Variants in MAG observed in about 807,000 individuals in gnomAD.
MAG encodes myelin associated glycoprotein.
In MAG, 30 loss-of-function variants were observed where a neutral mutation model predicts 60.7. The ratio of observed to expected loss-of-function variants is 0.49; its 90% CI spans 0.37 to 0.67. MAG has a LOEUF of 0.67. MAG is among the 30% of genes least tolerant of loss of function. The pLI is 0.00. For synonymous variants in MAG, 384 were observed against 376.8 expected, an observed-to-expected ratio of 1.02 and a Z score of -0.22; for missense variants, 795 against 851.7, an observed-to-expected ratio of 0.93 and a Z score of 0.83.
chr19:35,295,873 C>G lies in MAG; in HGVS notation c.307C>G (p.Leu103Val). The change falls in exon 4 of 11, where the codon CTG becomes GTG. Residue 103 changes from leucine (L) to valine (V), a missense_variant. Transcript: ENST00000392213. The surrounding 1 kb of genome is among the most constrained non-coding windows in gnomAD (Gnocchi z 5.8). Reference sequence around the variant, plus strand: ...CCTGGGCCTGCGAAACTGCACCCTCCTGCTCAGCAACGTCAGCCCCGAGCT... The same window carrying G: ...CCTGGGCCTGCGAAACTGCACCCTCGTGCTCAGCAACGTCAGCCCCGAGCT... ...GDLGLRNCTLLLSNVSPELGG... is the reference protein window; with the variant it reads ...GDLGLRNCTLVLSNVSPELGG... The G allele has an allele frequency of 6.2e-7, 1 of 1,614,122 alleles. No individual in the cohort carries two copies. The highest frequency in any genetic ancestry group is 8.5e-7 in the Non-Finnish European group (1 of 1,180,042).
In MAG at chr19:35,312,006, G is replaced by A; in HGVS notation, c.1705G>A (p.Glu569Lys). 4 of 1,612,492 alleles carry A rather than the reference G, an allele frequency of 2.5e-6. No individual in the cohort carries two copies. Among genetic ancestry groups the A allele is most frequent in the Middle Eastern group, 1.7e-4 (1 of 6,060 alleles). Residue 569 changes from glutamate to lysine, a missense_variant, in exon 10 of 11, where the codon GAG becomes AAG. Coordinates refer to ENST00000392213, the MANE Select transcript of MAG (RefSeq NM_002361.4). ...CGACTTCCGCATCTCTGGGGCACCAGAGAAGTACGAGGTAAGGACCAGGCT... is the reference window on the plus strand; with the variant it reads ...CGACTTCCGCATCTCTGGGGCACCAAAGAAGTACGAGGTAAGGACCAGGCT... Reference protein sequence around the residue: ...SSDFRISGAPEKYESERRLGS... With the variant: ...SSDFRISGAPKKYESERRLGS...
intron 2 of MAG, among the ~76,000 whole-genome samples, chr19:35,294,935 A>AC (rs2066384756): frequency 6.6e-6 from 1 of 152,076 alleles, no homozygotes; most frequent in African/African-American, 2.4e-5. Context: ...CAGGGCTGAG[A>AC]CCCCATCTCA....
At chr19:35,305,156 T>C (rs550142215) in intron 7 of MAG, among the ~76,000 whole-genome samples, 189 of 152,268 alleles carry the variant, frequency 1.2e-3, no homozygotes, top group African/African-American at 4.2e-3. Context: ...CTGCCCCACC[T>C]GCCAGCTCCC....
intron 7 of MAG, among the ~76,000 whole-genome samples, chr19:35,306,878 A>C (rs1005152943): frequency 1.3e-5 from 2 of 152,224 alleles, no homozygotes; most frequent in Non-Finnish European, 2.9e-5. Flanking sequence ...GGCCTCACCC[A>C]GCCAGTAGAT....
At chr19:35,292,426 C>A (rs1260136716) in intron 1 of MAG, among the ~76,000 whole-genome samples, 2 of 151,910 alleles carry the variant, frequency 1.3e-5, no homozygotes, top group Non-Finnish European at 2.9e-5. Flanking sequence ...AGAGAAAAAA[C>A]AAAGGGCCCC....
chr19:35,309,497 C>T (rs1174080543), intron 7 of MAG, among the ~76,000 whole-genome samples: 5 of 152,166 alleles, frequency 3.3e-5, no homozygotes, highest in South Asian at 2.1e-4. Context: ...TGTAACCTCT[C>T]GTACTCCTGA....
In MAG at chr19:35,302,629, C is replaced by T. The variant is rs78408471; in HGVS notation, c.1152C>T (p.Pro384=). 9.2e-5 allele frequency: 148 copies of T among 1,614,180 alleles called. No individual in the cohort carries two copies. The African/African-American group carries it at 1.5e-3, about 17-fold the overall frequency. Residue 384 remains proline, a synonymous_variant, in exon 7 of 11, where the codon CCC becomes CCT. Coordinates refer to ENST00000392213, the MANE Select transcript of MAG (RefSeq NM_002361.4). ...AGCTGGAGCTGCCGGCCGTGTCACC[C>T]GAGGATGATGGAGAGTACTGGTGTG... is the stretch of plus-strand genomic sequence containing the variant. The part of the protein sequence containing the change: ...ELQLELPAVS[P]EDDGEYWCVA...
chr19:35,305,857 A>T (rs1382396710), intron 7 of MAG, among the ~76,000 whole-genome samples: 1 of 152,178 alleles, frequency 6.6e-6, no homozygotes, highest in Non-Finnish European at 1.5e-5. Flanking sequence ...CAGGAGGCTG[A>T]GGCAGGAGAA....
rs35237014 is a variant in MAG at position 35,310,636 on chromosome 19, C to T, written c.1609C>T (p.Arg537Cys). The change falls in exon 9 of 11, where the codon CGC becomes TGC. Residue 537 changes from arginine (R) to cysteine (C), a missense_variant. Arg to Cys is a radical substitution (Grantham distance 180). Coordinates refer to ENST00000392213, the MANE Select transcript of MAG (RefSeq NM_002361.4). Reference sequence around the variant, plus strand: ...CATCGTCTGCTACATTACCCAGACACGCAGGAAGTGAGTGCCAGCTGGGGC... The same window carrying T: ...CATCGTCTGCTACATTACCCAGACATGCAGGAAGTGAGTGCCAGCTGGGGC... ...IAIVCYITQT[R>C]RKKNVTESPS... The T allele has an allele frequency of 8.3e-4, 1,334 of 1,613,992 alleles. 2 individuals carry two copies. In the African/African-American group the frequency reaches 8.5e-3, roughly 10 times the overall value.
At position 35,313,406 on chromosome 19, in the gene MAG, C is replaced by G. The variant is rs760560412; in HGVS notation, c.1833C>G (p.Tyr611Ter). Reference sequence around the variant, plus strand: ...GGAAACGGCCCACCAAGGACAGCTACACGCTGACGGAGGAGCTAGCTGAGT... The same window carrying G: ...GGAAACGGCCCACCAAGGACAGCTAGACGCTGACGGAGGAGCTAGCTGAGT... ...DLGKRPTKDSYTLTEELAEYA... is the reference protein window; with the variant it reads ...DLGKRPTKDS Residue 611 changes from tyrosine (Y) to a stop codon, truncating the protein, a stop_gained, in exon 11 of 11, where the codon TAC becomes TAG. Coordinates refer to ENST00000392213, the MANE Select transcript of MAG (RefSeq NM_002361.4). LOFTEE classifies it high-confidence loss of function. 3.1e-6 allele frequency: 5 copies of G among 1,613,966 alleles called. No homozygotes were observed. Among genetic ancestry groups the G allele is most frequent in the East Asian group, 4.5e-5 (2 of 44,864 alleles).
At position 35,311,774 on chromosome 19, in the gene MAG, A is replaced by G; in HGVS notation, c.1617-144A>G. 4.7e-6 allele frequency: 3 copies of G among 631,770 alleles called. No homozygotes were observed. The East Asian group carries it at 8.5e-5, about 18-fold the overall frequency. 39.1% of individuals were successfully genotyped at this position (631,770 alleles called of 1,614,324 possible). A position where few individuals can be genotyped will look rare whatever the true frequency, so the allele number is the denominator to read the frequency against. On this transcript the variant is annotated intron_variant, in intron 9 of 10. Transcript: ENST00000392213. ...GGGAAGGATGGGCTGTGTGGGTAGG[A>G]GAGGCTGGTGGTTCTGAAAGGGCTG... is the stretch of plus-strand genomic sequence containing the variant.
chr19:35,296,025 G>T (rs370514585), intron 4 of MAG, 44 bp downstream of exon 4: 1 of 1,524,564 alleles, frequency 6.6e-7, no homozygotes, highest in Non-Finnish European at 8.8e-7. Flanking sequence ...CTGGGGCAGC[G>T]GGGCGGGAAG....
Position 35,295,557 on chromosome 19 carries a change from A to C in MAG, c.47-56A>C. Reference sequence around the variant, plus strand: ...GCATGTGGTTGGGGATGGGAGCCGGAGGGGGTGATCGGGTAGGACGTGTCC... The same window carrying C: ...GCATGTGGTTGGGGATGGGAGCCGGCGGGGGTGATCGGGTAGGACGTGTCC... On this transcript the variant is annotated intron_variant, in intron 3 of 10. Coordinates refer to ENST00000392213, the MANE Select transcript of MAG (RefSeq NM_002361.4). This position sits in a 1 kb window ranked among gnomAD's most constrained non-coding sequence, Gnocchi z 5.8. 1 of 1,598,732 alleles carries C rather than the reference A, an allele frequency of 6.3e-7. No individual in the cohort carries two copies. The highest frequency in any genetic ancestry group is 8.5e-7 in the Non-Finnish European group (1 of 1,172,766).
intron 8 of MAG, 117 bp from the exon 9 acceptor site, chr19:35,310,430 A>C: frequency 1.0e-6 from 1 of 961,346 alleles, no homozygotes; most frequent in Non-Finnish European, 1.6e-6. Flanking sequence ...CAGTCAGTGC[A>C]AGGATGCCCC....
chr19:35,293,298 T>TGC lies in MAG; in HGVS notation c.-79-936_-79-935dup, dbSNP rs35676520. On this transcript the variant is annotated intron_variant, in intron 1 of 10. Coordinates refer to ENST00000392213, the MANE Select transcript of MAG (RefSeq NM_002361.4). The surrounding 1 kb of genome is among the most constrained non-coding windows in gnomAD (Gnocchi z 4.0). ...GGCTGTGTGTGTGTGTGTGTGTGTG[T>TGC]GCTGAATGCCAGGGCTGTGTCTGTC... 2.6e-3 allele frequency among the ~76,000 whole-genome samples: 381 copies of TGC among 149,014 alleles called. No individual in the cohort carries two copies. The highest frequency in any genetic ancestry group is 4.1e-3 in the Non-Finnish European group (274 of 67,394).
At chr19:35,300,025 TGGGGC>T in intron 5 of MAG, 117 bp from the exon 6 acceptor site, 1 of 658,008 alleles carries the variant, frequency 1.5e-6, no homozygotes, top group Non-Finnish European at 1.8e-6. Context: ...CAGGCAGTCC[TGGGGC>T]GGGGCCAAGG....
chr19:35,305,848 A>G lies in MAG; in HGVS notation c.1231+3140A>G, dbSNP rs573037612. 3.5e-4 allele frequency among the ~76,000 whole-genome samples: 53 copies of G among 152,302 alleles called. No individual in the cohort carries two copies. In the South Asian group the frequency reaches 9.7e-3, roughly 28 times the overall value. ...CGCACACCTGCAGTTCCAGCTACTC[A>G]GGAGGCTGAGGCAGGAGAATCGCTT... On this transcript the variant is annotated intron_variant, in intron 7 of 10. Coordinates refer to ENST00000392213, the MANE Select transcript of MAG (RefSeq NM_002361.4).
intron 7 of MAG, among the ~76,000 whole-genome samples, chr19:35,308,681 AC>A (rs772946346): frequency 6.6e-6 from 1 of 152,200 alleles, no homozygotes; most frequent in Non-Finnish European, 1.5e-5. Flanking sequence ...ATTTGGCACC[AC>A]CCTGATTTGA....
At chr19:35,309,174 G>A (rs12461927) in intron 7 of MAG, among the ~76,000 whole-genome samples, 19,936 of 152,052 alleles carry the variant, frequency 0.13, 1,406 homozygotes, top group South Asian at 0.19. Flanking sequence ...GGCTAGAGTC[G>A]CCTCAAAAGT....
Sources: gnomAD v4.1 joint callset for allele counts (sites outside exome capture counted in the v4.1 genomes callset) on GRCh38, gnomAD v4.1.1 for gene constraint, Gnocchi (gnomAD v3.1) non-coding constraint, MANE v1.5 for transcripts, NCBI Gene and HGNC (gene_info 2026-07-23, HGNC 2026-07-21) for gene names.